ADCY2: variants seen among roughly 807,000 people sequenced by gnomAD.
ADCY2 encodes the protein adenylate cyclase type 2.
In ADCY2, 31 loss-of-function variants were observed where a neutral mutation model predicts 125.2. The ratio of observed to expected loss-of-function variants is 0.25; its 90% confidence interval spans 0.19 to 0.33. ADCY2 has a LOEUF of 0.33. ADCY2 is among the 10% of genes least tolerant of loss of function. The pLI, the probability that ADCY2 is intolerant of heterozygous loss-of-function variation, is 1.00. For missense variants in ADCY2, 904 were observed against 1,418.2 expected (o/e 0.64, Z 5.82); for synonymous variants, 512 against 548.4 (o/e 0.93, Z 0.93).
chr5:7,436,753 T>C (rs923025283), intron 2 of ADCY2, among the ~76,000 whole-genome samples: 12 of 152,174 alleles, frequency 7.9e-5, no homozygotes, highest in Admixed American at 3.3e-4. Context: ...GAGACAGCCA[T>C]GTAAAGAGAG....
chr5:7,555,854 G>GCACACACACACACA (rs58926524), intron 3 of ADCY2, among the ~76,000 whole-genome samples: 1 of 142,556 alleles, frequency 7.0e-6, no homozygotes, highest in Non-Finnish European at 1.5e-5. Context: ...ACATGTGAGC[G>GCACACACACACACA]CACACACACA....
At chr5:7,505,036 C>A (rs1014455588) in intron 2 of ADCY2, among the ~76,000 whole-genome samples, 1 of 151,656 alleles carries the variant, frequency 6.6e-6, no homozygotes, top group African/African-American at 2.4e-5. Flanking sequence ...CACCACCATG[C>A]CTTTCTGTGG....
intron 15 of ADCY2, among the ~76,000 whole-genome samples, chr5:7,753,897 T>C (rs540346970): frequency 6.6e-6 from 1 of 152,322 alleles, no homozygotes; most frequent in African/African-American, 2.4e-5. Flanking sequence ...CAGGTTTACT[T>C]ACCTTGTCAC....
intron 16 of ADCY2, among the ~76,000 whole-genome samples, chr5:7,763,216 G>A (rs1743286247): frequency 2.0e-5 from 3 of 151,738 alleles, no homozygotes; most frequent in Admixed American, 6.6e-5. Flanking sequence ...TCTGCGTCCC[G>A]CGTAGCTGGG....
chr5:7,715,357 T>G (rs1482268263), intron 11 of ADCY2, among the ~76,000 whole-genome samples: 1 of 152,162 alleles, frequency 6.6e-6, no homozygotes, highest in Non-Finnish European at 1.5e-5. Flanking sequence ...AAGAATTACA[T>G]TTTCCTGTAA....
At chr5:7,493,368 G>C (rs1743234051) in intron 2 of ADCY2, among the ~76,000 whole-genome samples, 1 of 152,070 alleles carries the variant, frequency 6.6e-6, no homozygotes, top group South Asian at 2.1e-4. Context: ...GTGAGTGCCT[G>C]TTACTCCTCT....
At chr5:7,609,114 A>C (rs992036648) in intron 3 of ADCY2, among the ~76,000 whole-genome samples, 1 of 152,204 alleles carries the variant, frequency 6.6e-6, no homozygotes, top group Non-Finnish European at 1.5e-5. Flanking sequence ...TCATGGTTCC[A>C]GTTTAACTCT....
rs1301109324 is a variant in ADCY2 at position 7,504,600 on chromosome 5, CTCTT to C, written c.409-16132_409-16129del. On this transcript the variant is annotated intron_variant, in intron 2 of 24. Coordinates refer to ENST00000338316, the MANE Select transcript of ADCY2 (RefSeq NM_020546.3). Reference sequence around the variant, plus strand: ...TGAAGTGATTTCTTTCTTTCTCTCTCTCTTTCTTTTTTCTTTCTTTTTTTTTTTT... The same window carrying C: ...TGAAGTGATTTCTTTCTTTCTCTCTCTCTTTTTTCTTTCTTTTTTTTTTTT... Among the ~76,000 whole-genome samples, 12 of 151,146 alleles carry C rather than the reference CTCTT, an allele frequency of 7.9e-5. No individual in the cohort carries two copies. In the East Asian group the frequency reaches 9.7e-4, roughly 12 times the overall value.
At chr5:7,400,563 A>G (rs985362443) in intron 1 of ADCY2, among the ~76,000 whole-genome samples, 2 of 152,206 alleles carry the variant, frequency 1.3e-5, no homozygotes, top group Admixed American at 6.5e-5. Context: ...AGCACCCCCA[A>G]TAGGTGGAAG....
chr5:7,635,718 A>T (rs1738476563), intron 4 of ADCY2, among the ~76,000 whole-genome samples: 1 of 152,222 alleles, frequency 6.6e-6, no homozygotes, highest in Non-Finnish European at 1.5e-5. Context: ...ATTAGAAAAG[A>T]TAAAAAGGGT....
intron 2 of ADCY2, among the ~76,000 whole-genome samples, chr5:7,481,888 C>T (rs929896398): frequency 6.6e-6 from 1 of 152,054 alleles, no homozygotes; most frequent in Non-Finnish European, 1.5e-5. Context: ...AACCTTTGCA[C>T]AATGTCCTGG....
At position 7,488,153 on chromosome 5, in the gene ADCY2, T is replaced by TG. The variant is rs112126123; in HGVS notation, c.409-32580dup. On this transcript the variant is annotated intron_variant, in intron 2 of 24. Transcript: ENST00000338316. ...GGGCCAGGTGGAGATGACTGACTCA[T>TG]GGGGGCAGTTTCCCTCATACTGTAA... Among the ~76,000 whole-genome samples the TG allele has an allele frequency of 1.0e-3, 152 of 152,256 alleles. 1 individual carries two copies. Among genetic ancestry groups the TG allele is most frequent in the African/African-American group, 3.5e-3 (146 of 41,532 alleles).
In ADCY2 at chr5:7,465,013, G is replaced by A. The variant is rs369758040; in HGVS notation, c.408+50243G>A. 4.9e-4 allele frequency among the ~76,000 whole-genome samples: 75 copies of A among 152,214 alleles called. 1 individual carries two copies. The highest frequency in any genetic ancestry group is 1.8e-3 in the African/African-American group (74 of 41,546). On this transcript the variant is annotated intron_variant, in intron 2 of 24. Coordinates refer to ENST00000338316, the MANE Select transcript of ADCY2 (RefSeq NM_020546.3). ...TGGCAGCAGGCAAGAGAGAATGAGCGCCAAGTGAAAGGGGTTTCCCCTTAT... is the reference window on the plus strand; with the variant it reads ...TGGCAGCAGGCAAGAGAGAATGAGCACCAAGTGAAAGGGGTTTCCCCTTAT...
rs1055520466 is a variant in ADCY2 at position 7,780,544 on chromosome 5, T to C, written c.2385-3821T>C. On this transcript the variant is annotated intron_variant, in intron 18 of 24. Coordinates refer to ENST00000338316, the MANE Select transcript of ADCY2 (RefSeq NM_020546.3). Reference sequence around the variant, plus strand: ...ATTGTCTCCTTGTTAGCCTGGTCTTTATAAGCTGTGGCCCTCAGTGATCAG... The same window carrying C: ...ATTGTCTCCTTGTTAGCCTGGTCTTCATAAGCTGTGGCCCTCAGTGATCAG... Among the ~76,000 whole-genome samples the C allele has an allele frequency of 5.9e-5, 9 of 152,302 alleles. No individual in the cohort carries two copies. The East Asian group carries it at 1.7e-3, about 29-fold the overall frequency.
chr5:7,541,635 G>T (rs1734999283), intron 3 of ADCY2, among the ~76,000 whole-genome samples: 1 of 152,186 alleles, frequency 6.6e-6, no homozygotes, highest in African/African-American at 2.4e-5. Context: ...CACCTTTCAG[G>T]CGTCACCCTT....
At chr5:7,746,436 T>A (rs1027645109) in intron 15 of ADCY2, 4 of 152,252 alleles carry the variant, frequency 2.6e-5, no homozygotes, top group Admixed American at 1.3e-4. Context: ...AAGGATTTTT[T>A]AATTTGCAAC....
chr5:7,510,584 T>A (rs944936229), intron 2 of ADCY2, among the ~76,000 whole-genome samples: 1 of 152,182 alleles, frequency 6.6e-6, no homozygotes, highest in African/African-American at 2.4e-5. Flanking sequence ...AACAAAGATC[T>A]TGAGCTCCAC....
At chr5:7,460,835 G>A (rs1741891205) in intron 2 of ADCY2, among the ~76,000 whole-genome samples, 1 of 152,150 alleles carries the variant, frequency 6.6e-6, no homozygotes, top group African/African-American at 2.4e-5. Flanking sequence ...AGTTGGACGT[G>A]GTGATGGGAG....
intron 4 of ADCY2, among the ~76,000 whole-genome samples, chr5:7,628,125 A>G (rs980449304): frequency 6.6e-5 from 10 of 152,168 alleles, no homozygotes; most frequent in Non-Finnish European, 1.3e-4. Flanking sequence ...TTGGACAAGG[A>G]GCCCTTAGCA....
Sources: allele counts gnomAD v4.1 joint callset (sites outside exome capture counted in the v4.1 genomes callset), GRCh38; gene constraint gnomAD v4.1.1; transcripts MANE v1.5; gene names NCBI Gene and HGNC (gene_info 2026-07-23, HGNC 2026-07-21).